The following MTERF4 variants were observed in gnomAD, a reference collection of about 807,000 sequenced individuals.
MTERF4 encodes mitochondrial transcription termination factor 4, also known as transcription termination factor 4, mitochondrial.
MTERF4 carries 17 observed loss-of-function variants against 22.5 expected under a neutral mutation model. The observed-to-expected ratio is 0.75, with a 90% CI of 0.52 to 1.13. The LOEUF is 1.13. Among genes scored for constraint, MTERF4 ranks in the 50% most tolerant of loss-of-function variants. The pLI is 0.00. For missense variants in MTERF4, 420 were observed against 466.8 expected (o/e 0.90, Z 0.92); for synonymous variants, 165 against 175.3 (o/e 0.94, Z 0.47).
chr2:241,072,308 T>C, exon 5 of MTERF4: 1 of 431,652 alleles, frequency 2.3e-6, no homozygotes, highest in Non-Finnish European at 4.6e-6. Context: ...TGGCAAGATC[T>C]TCCCGGTGGC....
intron 4 of MTERF4, among the ~76,000 whole-genome samples, chr2:241,076,858 G>A (rs962960741): frequency 1.3e-5 from 2 of 152,222 alleles, no homozygotes; most frequent in African/African-American, 4.8e-5. Flanking sequence ...TTGGGAGGCC[G>A]AGGCGGGCGG....
chr2:241,088,451 G>A (rs58025399), downstream of MTERF4: 7 of 1,490,924 alleles, frequency 4.7e-6, no homozygotes, highest in African/African-American at 2.8e-5. Context: ...GCTGGGAAGT[G>A]GGGGGCGACT....
Position 241,096,927 on chromosome 2 carries a change from C to G in MTERF4, c.705+316G>C. ...CTATTTCAGAGTCCCCACTTAGACT[C>G]TAAGAATAGGACTGGATCATTCATT... On this transcript the variant is annotated intron_variant, in intron 3 of 3. Coordinates refer to ENST00000391980, the MANE Select transcript of MTERF4 (RefSeq NM_182501.4). The surrounding 1 kb of genome is among the most constrained non-coding windows in gnomAD (Gnocchi z 5.1). 2 of 590,006 alleles carry G rather than the reference C, an allele frequency of 3.4e-6. No individual in the cohort carries two copies. Among genetic ancestry groups the G allele is most frequent in the South Asian group, 4.3e-5 (2 of 46,946 alleles). The allele number at this position is 590,006 out of a possible 1,614,324, so 36.5% of individuals were successfully genotyped here. A position where few individuals can be genotyped will look rare whatever the true frequency, so the allele number is the denominator to read the frequency against.
At chr2:241,087,906 C>T (rs528220220), downstream of MTERF4, 20 of 418,466 alleles carry the variant, frequency 4.8e-5, no homozygotes, top group South Asian at 1.3e-3. Flanking sequence ...GAAAGAAGTA[C>T]GTGAGAATAT....
chr2:241,054,039 A>G, the MTERF4 span, among the ~76,000 whole-genome samples: 1 of 152,192 alleles, frequency 6.6e-6, no homozygotes, highest in Non-Finnish European at 1.5e-5. Context: ...TGTCCCCCAC[A>G]TGCCCCGCAA....
chr2:241,082,398 T>C (rs1477249053), downstream of MTERF4: 2 of 1,543,960 alleles, frequency 1.3e-6, no homozygotes, highest in African/African-American at 1.4e-5. Flanking sequence ...CTTACCGCAT[T>C]TGTCGTGTGT....
rs184406785 is a variant in MTERF4, at chr2:241,078,007, A to G, written n.480-2325T>C. Among the ~76,000 whole-genome samples the G allele has an allele frequency of 9.2e-5, 14 of 152,306 alleles. No homozygotes were observed. The East Asian group carries it at 2.7e-3, about 29-fold the overall frequency. On this transcript the variant is annotated intron_variant and non_coding_transcript_variant, in intron 4 of 4. Coordinates refer to the MTERF4 transcript ENST00000464344. ...CCAAGAGAAATGAAAACCTATGTCC[A>G]CATGAGGTCCTGTACACAAATATTT...
chr2:241,079,286 C>T (rs566230503), intron 4 of MTERF4, among the ~76,000 whole-genome samples: 1 of 151,396 alleles, frequency 6.6e-6, no homozygotes, highest in South Asian at 2.1e-4. Flanking sequence ...GTGGCAGGCG[C>T]CTGTAGTCCC....
chr2:241,088,206 C>A (rs1353218904), downstream of MTERF4: 1 of 620,392 alleles, frequency 1.6e-6, no homozygotes, highest in Non-Finnish European at 2.9e-6. Flanking sequence ...AACTAAAATG[C>A]TAATCTCCAC....
chr2:241,095,932 G>C lies in MTERF4; in HGVS notation c.*66C>G, dbSNP rs1357400101. 1.9e-6 allele frequency: 3 copies of C among 1,546,476 alleles called. No individual in the cohort carries two copies. Among genetic ancestry groups the C allele is most frequent in the Non-Finnish European group, 2.6e-6 (3 of 1,149,366 alleles). On this transcript the variant is annotated 3_prime_UTR_variant, in exon 4 of 4. Coordinates refer to ENST00000391980, the MANE Select transcript of MTERF4 (RefSeq NM_182501.4). The stretch of plus-strand genomic sequence containing the variant: ...GAAGATTCAAGTAAAGGACCCAAAA[G>C]CTTTAAGAGAATGAAAAGCTTCCTT...
the MTERF4 span, chr2:241,048,571 G>C: frequency 1.1e-5 from 17 of 1,498,572 alleles, no homozygotes; most frequent in Non-Finnish European, 1.5e-5. Context: ...AATTTGTATG[G>C]GAAGTTGGCC....
downstream of MTERF4, chr2:241,071,834 C>T (rs1416947913): frequency 1.2e-6 from 2 of 1,604,820 alleles, no homozygotes; most frequent in South Asian, 2.2e-5. Context: ...AGAGTGAGCG[C>T]CAGGTTCGGT....
chr2:241,055,771 G>A, the MTERF4 span, among the ~76,000 whole-genome samples: 4 of 152,196 alleles, frequency 2.6e-5, no homozygotes, highest in South Asian at 8.3e-4. Flanking sequence ...GCCAGGGACT[G>A]GTCTGTAAAG....
chr2:241,053,401 G>A, the MTERF4 span: 2 of 1,437,436 alleles, frequency 1.4e-6, no homozygotes, highest in African/African-American at 1.4e-5. Flanking sequence ...GAGGAGCACA[G>A]GGGCTGCAGG....
chr2:241,051,790 G>A, the MTERF4 span: 20 of 1,558,278 alleles, frequency 1.3e-5, 1 homozygote, highest in South Asian at 3.6e-5. The surrounding 1 kb of genome is among the most constrained non-coding windows in gnomAD (Gnocchi z 4.7). Context: ...ACGGGGGCAC[G>A]TGCAAGGAGG....
chr2:241,088,534 G>A, downstream of MTERF4: 2 of 752,098 alleles, frequency 2.7e-6, no homozygotes, highest in Non-Finnish European at 4.6e-6. Flanking sequence ...GTCCTGTGCT[G>A]CTGTGTTACA....
downstream of MTERF4, among the ~76,000 whole-genome samples, chr2:241,085,848 T>A (rs1203317120): frequency 2.0e-5 from 3 of 150,498 alleles, no homozygotes; most frequent in African/African-American, 7.3e-5. Context: ...TGGCATGGCC[T>A]TTCTGCGGTT....
the MTERF4 span, chr2:241,053,004 C>T: frequency 1.4e-6 from 1 of 711,748 alleles, no homozygotes; most frequent in Non-Finnish European, 2.3e-6. Flanking sequence ...GGCAACCAGG[C>T]CCCAGAAGTC....
the MTERF4 span, among the ~76,000 whole-genome samples, chr2:241,043,947 G>A: frequency 6.6e-6 from 1 of 152,194 alleles, no homozygotes; most frequent in Admixed American, 6.5e-5. Context: ...AGAAATGGAA[G>A]TATAATATTG....
Sources: allele counts gnomAD v4.1 joint callset (sites outside exome capture counted in the v4.1 genomes callset), GRCh38; gene constraint gnomAD v4.1.1; non-coding constraint Gnocchi (gnomAD v3.1); transcripts MANE v1.5; gene names NCBI Gene and HGNC (gene_info 2026-07-23, HGNC 2026-07-21).